Variants in GPR179 observed in about 807,000 individuals in gnomAD.
The protein encoded by GPR179 is probable G protein-coupled receptor 179.
In GPR179, 52 loss-of-function variants were observed where a neutral mutation model predicts 70.8. That is an observed-to-expected ratio of 0.73 (90% confidence interval 0.59 to 0.93). The LOEUF is 0.93. Among genes scored for constraint, GPR179 ranks in the 40% least tolerant of loss-of-function variants. GPR179 has a pLI of 0.00. For missense variants in GPR179, 2,734 were observed against 2,966.8 expected, an observed-to-expected ratio of 0.92 and a Z score of 1.82; for synonymous variants, 1,123 against 1,169.0, an observed-to-expected ratio of 0.96 and a Z score of 0.80.
rs372101002 is a variant in GPR179 at position 38,343,119 on chromosome 17, G to A, written c.671C>T (p.Thr224Met). The change falls in exon 1 of 11, where the codon ACG becomes ATG. Residue 224 changes from threonine (T) to methionine (M), a missense_variant. By Grantham distance (81) the Thr-to-Met change is moderately conservative (BLOSUM62 -1). Transcript: ENST00000616987. The surrounding 1 kb of genome is among the most constrained non-coding windows in gnomAD (Gnocchi z 4.2). ...AGGAGGAGACAGCCTCACCTGCTGCGTGTCCCCCACATATCCATCTGCCTG... is the reference window on the plus strand; with the variant it reads ...AGGAGGAGACAGCCTCACCTGCTGCATGTCCCCCACATATCCATCTGCCTG... ...WPQADGYVGDTQQVRLSPPFL... is the reference protein window; with the variant it reads ...WPQADGYVGDMQQVRLSPPFL... 32 of 1,614,072 alleles carry A rather than the reference G, an allele frequency of 2.0e-5. No homozygotes were observed. In the East Asian group the frequency reaches 2.9e-4, roughly 15 times the overall value.
intron 2 of GPR179, among the ~76,000 whole-genome samples, 164 bp from the exon 3 acceptor site, chr17:38,337,884 C>G (rs921023672): frequency 9.9e-5 from 15 of 152,228 alleles, no homozygotes; most frequent in Non-Finnish European, 1.5e-4. Context: ...GAAGCCTTCC[C>G]TCTGTGGAAA....
In GPR179 at chr17:38,324,630, A is replaced by T; in HGVS notation, c.*1835T>A. ...CCCCCACCCCATGGTTTATTTCACA[A>T]GAGTGTGTTTGGCGGCAACTTTGCT... is the stretch of plus-strand genomic sequence containing the variant. On this transcript the variant is annotated 3_prime_UTR_variant, in exon 11 of 11. Coordinates refer to ENST00000616987, the MANE Select transcript of GPR179 (RefSeq NM_001004334.4). Among the ~76,000 whole-genome samples the T allele has an allele frequency of 7.3e-6, 1 of 136,146 alleles. No individual in the cohort carries two copies. The highest frequency in any genetic ancestry group is 1.5e-5 in the Non-Finnish European group (1 of 64,996). The allele number at this position is 136,146 out of a possible 152,430, so 89.3% of individuals were successfully genotyped here. A position where few individuals can be genotyped will look rare whatever the true frequency, so the allele number is the denominator to read the frequency against.
Position 38,330,347 on chromosome 17 carries a change from G to A in GPR179, c.3222C>T (p.Ser1074=). 6.2e-7 allele frequency: 1 copy of A among 1,614,020 alleles called. No individual in the cohort carries two copies. The highest frequency in any genetic ancestry group is 8.5e-7 in the Non-Finnish European group (1 of 1,179,952). ...DRPKIFPKSH[S]LKAPVQQGSM... Reference sequence around the variant, plus strand: ...AACCCTGCTGAACAGGGGCCTTGAGGCTGTGGGATTTAGGGAAGATCTTGG... The same window carrying A: ...AACCCTGCTGAACAGGGGCCTTGAGACTGTGGGATTTAGGGAAGATCTTGG... Residue 1074 remains serine (S), a synonymous_variant, in exon 11 of 11, where the codon AGC becomes AGT. Coordinates refer to ENST00000616987, the MANE Select transcript of GPR179 (RefSeq NM_001004334.4).
intron 7 of GPR179, 23 bp downstream of exon 7, chr17:38,335,010 T>C: frequency 6.2e-7 from 1 of 1,602,002 alleles, no homozygotes; most frequent in Non-Finnish European, 8.5e-7. Flanking sequence ...AGCGTAAGGC[T>C]GGGCTCAGCA....
At position 38,329,150 on chromosome 17, in the gene GPR179, G is replaced by A. The variant is rs2037323607; in HGVS notation, c.4419C>T (p.Ile1473=). ...CCCAGGGACAGATCTCTGCTTTCTG[G>A]ATAGCAGGAGCATCTCCTGCCTCCC... ...CLWEAGDAPA[I]QKAEICPWEL... Residue 1473 remains isoleucine (I), a synonymous_variant, in exon 11 of 11, where the codon ATC becomes ATT. Coordinates refer to ENST00000616987, the MANE Select transcript of GPR179 (RefSeq NM_001004334.4). 7 of 1,613,794 alleles carry A rather than the reference G, an allele frequency of 4.3e-6. No individual in the cohort carries two copies. Among genetic ancestry groups the A allele is most frequent in the Non-Finnish European group, 5.9e-6 (7 of 1,180,004 alleles).
At position 38,330,724 on chromosome 17, in the gene GPR179, C is replaced by A. The variant is rs1256251342; in HGVS notation, c.2845G>T (p.Gly949Ter). 1.3e-6 allele frequency: 2 copies of A among 1,589,636 alleles called. No homozygotes were observed. Among genetic ancestry groups the A allele is most frequent in the Non-Finnish European group, 1.7e-6 (2 of 1,165,664 alleles). The part of the protein sequence containing the change: ...TPILALSGGL[G>*]EPRMLSPTST... ...GTGGGAGATAGCATCCTTGGCTCTC[C>A]CAGGCCCCCAGACAGGGCCAAGATG... Residue 949 changes from glycine to a stop codon, truncating the protein, a stop_gained, in exon 11 of 11, where the codon GGA (glycine) becomes TGA (stop). Coordinates refer to ENST00000616987, the MANE Select transcript of GPR179 (RefSeq NM_001004334.4). LOFTEE classifies it low-confidence loss of function (END_TRUNC).
chr17:38,339,393 G>A (rs533266596), intron 2 of GPR179, 24 bp downstream of exon 2: 26 of 1,461,298 alleles, frequency 1.8e-5, no homozygotes, highest in East Asian at 1.1e-4. Flanking sequence ...CTCTAGTAGC[G>A]CCCCCCATCC....
At chr17:38,336,223 C>A in intron 4 of GPR179, 79 bp from the exon 5 acceptor site, 1 of 949,752 alleles carries the variant, frequency 1.1e-6, no homozygotes, top group South Asian at 1.3e-5. Context: ...TGAACGGTCA[C>A]TCAGTGACCC....
intron 2 of GPR179, 153 bp downstream of exon 2, chr17:38,339,264 A>G (rs1184998839): frequency 3.4e-6 from 2 of 581,144 alleles, no homozygotes; most frequent in East Asian, 6.1e-5. Context: ...AAAGCCTGGT[A>G]TCTCACCTCT....
rs1351455160 is a variant in GPR179 at position 38,328,529 on chromosome 17, A to G, written c.5040T>C (p.Ser1680=). ...RPQTLLQMSG[S]VGSKAADICP... Reference sequence around the variant, plus strand: ...AAATGTCGGCAGCTTTGCTTCCCACACTGCCTGACATCTGGAGAAGGGTTT... The same window carrying G: ...AAATGTCGGCAGCTTTGCTTCCCACGCTGCCTGACATCTGGAGAAGGGTTT... Residue 1680 remains serine, a synonymous_variant, in exon 11 of 11, where the codon AGT becomes AGC. Transcript: ENST00000616987. 4.3e-6 allele frequency: 7 copies of G among 1,613,140 alleles called. No individual in the cohort carries two copies. The South Asian group carries it at 5.5e-5, about 13-fold the overall frequency.
chr17:38,326,753 T>C lies in GPR179; in HGVS notation c.6816A>G (p.Glu2272=). Reference sequence around the variant, plus strand: ...CATGGACTAAAAGGCATAGTGGTTTTTCAGGAGCTGTGGGGAAAAATTCTC... The same window carrying C: ...CATGGACTAAAAGGCATAGTGGTTTCTCAGGAGCTGTGGGGAAAAATTCTC... ...TRREFFPTAP[E]KPLCLLVHGP... The change falls in exon 11 of 11, where the codon GAA becomes GAG. Residue 2272 remains glutamate, a synonymous_variant. Transcript: ENST00000616987. 1.9e-6 allele frequency: 3 copies of C among 1,614,234 alleles called. No individual in the cohort carries two copies. The highest frequency in any genetic ancestry group is 1.1e-5 in the South Asian group (1 of 91,090).
rs1052140001 is a variant in GPR179, at chr17:38,334,015, T to A, written c.1808A>T (p.His603Leu). The change falls in exon 9 of 11, where the codon CAC becomes CTC. Residue 603 changes from histidine (H) to leucine (L), a missense_variant. Coordinates refer to ENST00000616987, the MANE Select transcript of GPR179 (RefSeq NM_001004334.4). This position sits in a 1 kb window ranked among gnomAD's most constrained non-coding sequence, Gnocchi z 4.7. ...GAAGAGGAGGAGGGTCCAGTCCGGG[T>A]GCAGAGAGGGAACCAGCACAAACCT... ...TARFVLVPSL[H>L]PDWTLLLFFF... 5 of 1,613,832 alleles carry A rather than the reference T, an allele frequency of 3.1e-6. No homozygotes were observed. The highest frequency in any genetic ancestry group is 4.2e-6 in the Non-Finnish European group (5 of 1,179,888).
At chr17:38,339,890 T>G (rs2037435904) in intron 1 of GPR179, among the ~76,000 whole-genome samples, 2 of 152,240 alleles carry the variant, frequency 1.3e-5, no homozygotes, top group African/African-American at 2.4e-5. Context: ...AGAAATTCTC[T>G]GGCCTGCCTT....
chr17:38,335,496 T>C (rs1489503705), intron 6 of GPR179, 95 bp downstream of exon 6: 16 of 939,448 alleles, frequency 1.7e-5, no homozygotes, highest in Non-Finnish European at 2.2e-5. Context: ...GGAGTGGGGC[T>C]GGCAAGGGTC....
In GPR179 at chr17:38,342,838, G is replaced by A. The variant is rs545586994; in HGVS notation, c.794+158C>T. Among the ~76,000 whole-genome samples, 5 of 152,346 alleles carry A rather than the reference G, an allele frequency of 3.3e-5. No homozygotes were observed. In the South Asian group the frequency reaches 8.3e-4, roughly 25 times the overall value. ...CAGATAGTTGCAGATTCCCAGAGCC[G>A]ACTGTAAGTACACACAGCTGAGTAC... On this transcript the variant is annotated intron_variant, in intron 1 of 10. Transcript: ENST00000616987.
chr17:38,329,793 C>A lies in GPR179; in HGVS notation c.3776G>T (p.Gly1259Val), dbSNP rs961024732. Residue 1259 changes from glycine to valine, a missense_variant, in exon 11 of 11, where the codon GGC becomes GTC. Transcript: ENST00000616987. ...TESETRQPDS[G>V]NKAEICPWET... ...CCAGGGGCAGATTTCGGCCTTGTTG[C>A]CACTGTCTGGCTGACGCGTTTCTGA... The A allele has an allele frequency of 1.2e-6, 2 of 1,614,116 alleles. No homozygotes were observed. The highest frequency in any genetic ancestry group is 1.7e-6 in the Non-Finnish European group (2 of 1,180,028).
At position 38,324,586 on chromosome 17, in the gene GPR179, C is replaced by A. The variant is rs777308732; in HGVS notation, c.*1879G>T. Among the ~76,000 whole-genome samples, 1 of 152,154 alleles carries A rather than the reference C, an allele frequency of 6.6e-6. No individual in the cohort carries two copies. Among genetic ancestry groups the A allele is most frequent in the East Asian group, 1.9e-4 (1 of 5,198 alleles). Reference sequence around the variant, plus strand: ...AACTGCAATGTCAAGAAAAAGCATTCTTTATTTCCGCCCCGCCCCCCCCAC... The same window carrying A: ...AACTGCAATGTCAAGAAAAAGCATTATTTATTTCCGCCCCGCCCCCCCCAC... On this transcript the variant is annotated 3_prime_UTR_variant, in exon 11 of 11. Transcript: ENST00000616987.
At chr17:38,336,276 G>A (rs752187505) in intron 4 of GPR179, 132 bp from the exon 5 acceptor site, 47 of 704,546 alleles carry the variant, frequency 6.7e-5, no homozygotes, top group Non-Finnish European at 1.1e-4. Flanking sequence ...TGCCCTCTCT[G>A]CCCACATCCA....
In GPR179 at chr17:38,335,365, C is replaced by A. The variant is rs536697713; in HGVS notation, c.1407-94G>T. 8 of 942,692 alleles carry A rather than the reference C, an allele frequency of 8.5e-6. No homozygotes were observed. In the African/African-American group the frequency reaches 1.3e-4, roughly 15 times the overall value. 58.4% of individuals were successfully genotyped at this position (942,692 alleles called of 1,614,324 possible). On this transcript the variant is annotated intron_variant, in intron 6 of 10. Coordinates refer to ENST00000616987, the MANE Select transcript of GPR179 (RefSeq NM_001004334.4). ...CCTGGTCTCTGTCCATTGCTGCCCT[C>A]TCCTCCACACAGGTACTTGTCCTTC...
Sources: gnomAD v4.1 joint callset for allele counts (sites outside exome capture counted in the v4.1 genomes callset) on GRCh38, gnomAD v4.1.1 for gene constraint, Gnocchi (gnomAD v3.1) non-coding constraint, MANE v1.5 for transcripts, NCBI Gene and HGNC (gene_info 2026-07-23, HGNC 2026-07-21) for gene names.